Variants in PABPC1L observed in about 807,000 individuals in gnomAD.
PABPC1L encodes poly(A) binding protein cytoplasmic 1 like, also known as polyadenylate-binding protein 1-like.
PABPC1L carries 31 observed loss-of-function variants against 66.6 expected under a neutral mutation model. The ratio of observed to expected loss-of-function variants is 0.47; its 90% CI spans 0.35 to 0.63. The LOEUF (loss-of-function observed/expected upper bound fraction) is 0.63. Among genes scored for constraint, PABPC1L ranks in the 20% least tolerant of loss-of-function variants. PABPC1L has a pLI of 0.00. For missense variants in PABPC1L, 722 were observed against 848.8 expected (o/e 0.85, Z 1.86); for synonymous variants, 348 against 335.1 (o/e 1.04, Z -0.42).
chr20:44,926,425 C>T lies in PABPC1L; in HGVS notation c.972+2169C>T, dbSNP rs187718414. On this transcript the variant is annotated intron_variant, in intron 7 of 14. Coordinates refer to ENST00000217073, the MANE Select transcript of PABPC1L (RefSeq NM_001372179.1). Reference sequence around the variant, plus strand: ...TATTTTTAGTAGAGACGGGGTTTCACTGTGTTGGCCGGGCTGGTCTCAAAC... The same window carrying T: ...TATTTTTAGTAGAGACGGGGTTTCATTGTGTTGGCCGGGCTGGTCTCAAAC... Among the ~76,000 whole-genome samples the T allele has an allele frequency of 1.7e-4, 26 of 151,868 alleles. 1 individual carries two copies. The highest frequency in any genetic ancestry group is 6.3e-4 in the African/African-American group (26 of 41,396).
intron 1 of PABPC1L, among the ~76,000 whole-genome samples, chr20:44,911,189 C>T (rs541643164): frequency 1.4e-3 from 213 of 151,960 alleles, no homozygotes; most frequent in African/African-American, 4.8e-3. Flanking sequence ...TAAGGCCAGG[C>T]GCAGTGGCTC....
chr20:44,925,938 C>T (rs1283133209), intron 7 of PABPC1L, among the ~76,000 whole-genome samples: 16 of 152,146 alleles, frequency 1.1e-4, no homozygotes, highest in Non-Finnish European at 2.2e-4. Flanking sequence ...CTTTGCTTTT[C>T]GGACCTTGTT....
In PABPC1L at chr20:44,924,260, A is replaced by G. The variant is rs376373650; in HGVS notation, c.972+4A>G. 67 of 1,606,130 alleles carry G rather than the reference A, an allele frequency of 4.2e-5. No homozygotes were observed. Among genetic ancestry groups the G allele is most frequent in the Middle Eastern group, 3.3e-4 (2 of 6,066 alleles). The stretch of plus-strand genomic sequence containing the variant: ...TGGAGTAATTACCAGTGCGAAGGTG[A>G]GGACTGGGGGCACCTCCGGGGGACA... On this transcript the variant is annotated splice_donor_region_variant and intron_variant, in intron 7 of 14. Coordinates refer to ENST00000217073, the MANE Select transcript of PABPC1L (RefSeq NM_001372179.1).
intron 7 of PABPC1L, among the ~76,000 whole-genome samples, chr20:44,928,319 C>T (rs1327373568): frequency 6.6e-6 from 1 of 152,038 alleles, no homozygotes; most frequent in Non-Finnish European, 1.5e-5. Context: ...GTGATCTGCC[C>T]ACCTTGGCCT....
At chr20:44,928,580 C>G (rs1320948897) in intron 7 of PABPC1L, among the ~76,000 whole-genome samples, 2 of 152,080 alleles carry the variant, frequency 1.3e-5, no homozygotes, top group Non-Finnish European at 2.9e-5. Flanking sequence ...GATCCATGGA[C>G]TCTCAGGTTA....
Position 44,938,692 on chromosome 20 carries a change from G to A in PABPC1L, c.1810G>A (p.Val604Met), listed in dbSNP as rs757645442. ...LHAKIDEAVA[V>M]LQAHQAMEQP... ...CTCACAGATAGACGAGGCAGTGGCC[G>A]TGCTGCAGGCACACCAGGCTATGGA... Residue 604 changes from valine to methionine, a missense_variant, in exon 14 of 15, where the codon GTG (valine) becomes ATG (methionine). By Grantham distance (21) the Val-to-Met change is conservative. Coordinates refer to ENST00000217073, the MANE Select transcript of PABPC1L (RefSeq NM_001372179.1). 2.4e-5 allele frequency: 39 copies of A among 1,610,620 alleles called. No homozygotes were observed. Among genetic ancestry groups the A allele is most frequent in the Non-Finnish European group, 3.1e-5 (36 of 1,178,720 alleles).
chr20:44,921,538 TG>T (rs1470983720), intron 5 of PABPC1L, 55 bp from the exon 6 acceptor site: 100 of 1,593,814 alleles, frequency 6.3e-5, no homozygotes, highest in Non-Finnish European at 8.2e-5. Context: ...AAGATGAGCC[TG>T]GGCCAGGGCC....
intron 11 of PABPC1L, among the ~76,000 whole-genome samples, chr20:44,936,257 A>G (rs1041566660): frequency 6.6e-5 from 10 of 152,096 alleles, no homozygotes; most frequent in Non-Finnish European, 1.3e-4. Flanking sequence ...GAGCCACCAC[A>G]CCTGGCCAAA....
intron 6 of PABPC1L, among the ~76,000 whole-genome samples, chr20:44,923,264 G>A (rs1370291859): frequency 6.6e-6 from 1 of 152,106 alleles, no homozygotes; most frequent in Non-Finnish European, 1.5e-5. Flanking sequence ...GCCTCTTTGT[G>A]TTTCAGTTTT....
chr20:44,932,469 T>A, intron 9 of PABPC1L, 37 bp downstream of exon 9: 1 of 1,559,788 alleles, frequency 6.4e-7, no homozygotes, highest in Non-Finnish European at 8.8e-7. Context: ...CAGACTGGCC[T>A]ATTGGTGTGG....
intron 3 of PABPC1L, among the ~76,000 whole-genome samples, chr20:44,918,313 G>A (rs2425682): frequency 2.8e-4 from 43 of 152,156 alleles, no homozygotes; most frequent in Non-Finnish European, 5.3e-4. Context: ...CTGGGCGATA[G>A]AGCGAAACTC....
At chr20:44,918,449 C>G (rs1160163209) in intron 3 of PABPC1L, among the ~76,000 whole-genome samples, 1 of 152,190 alleles carries the variant, frequency 6.6e-6, no homozygotes, top group East Asian at 1.9e-4. Context: ...CCCCAGTGCA[C>G]CCAATACATG....
intron 7 of PABPC1L, among the ~76,000 whole-genome samples, chr20:44,925,693 G>A (rs2066804921): frequency 6.6e-6 from 1 of 152,214 alleles, no homozygotes; most frequent in South Asian, 2.1e-4. Context: ...AGGAAAAAAG[G>A]TTGTCTTTTA....
At position 44,939,164 on chromosome 20, in the gene PABPC1L, G is replaced by A. The variant is rs11540856; in HGVS notation, c.*45G>A. 1.9e-5 allele frequency: 14 copies of A among 717,968 alleles called. No individual in the cohort carries two copies. Among genetic ancestry groups the A allele is most frequent in the Admixed American group, 1.8e-4 (9 of 50,016 alleles). The allele number at this position is 717,968 out of a possible 1,614,324, so 44.5% of individuals were successfully genotyped here. ...CGCTTCCATGGCTGCCAAAAGGACA[G>A]TGTTTCTGGCTCTCAGCCCTAAGGC... is the stretch of plus-strand genomic sequence containing the variant. On this transcript the variant is annotated 3_prime_UTR_variant, in exon 15 of 15. Transcript: ENST00000217073.
At chr20:44,937,122 C>G (rs2066907503) in intron 12 of PABPC1L, 1 of 395,108 alleles carries the variant, frequency 2.5e-6, no homozygotes, top group African/African-American at 2.1e-5. Flanking sequence ...TGCTGTTCAC[C>G]AGTTTCCAGT....
chr20:44,910,087 G>T lies in PABPC1L; in HGVS notation c.-57G>T, dbSNP rs986528561. The T allele has an allele frequency of 2.1e-6, 3 of 1,446,854 alleles. No homozygotes were observed. The highest frequency in any genetic ancestry group is 1.5e-5 in the African/African-American group (1 of 68,684). 89.6% of individuals were successfully genotyped at this position (1,446,854 alleles called of 1,614,324 possible). On this transcript the variant is annotated 5_prime_UTR_variant, in exon 1 of 15. Transcript: ENST00000217073. ...GGAGGGCTTCCGCCCGGGTGAGCGCGGGGCTGCTGGGTGACCCGGCTCCTG... is the reference window on the plus strand; with the variant it reads ...GGAGGGCTTCCGCCCGGGTGAGCGCTGGGCTGCTGGGTGACCCGGCTCCTG...
chr20:44,919,093 C>T (rs1338046959), intron 4 of PABPC1L, 48 bp downstream of exon 4: 1 of 1,611,574 alleles, frequency 6.2e-7, no homozygotes, highest in Non-Finnish European at 8.5e-7. Flanking sequence ...TTTCCTCTTC[C>T]CTTCCAAAGT....
chr20:44,935,359 C>CTT (rs754872570), intron 10 of PABPC1L, 32 bp from the exon 11 acceptor site: 19 of 1,556,182 alleles, frequency 1.2e-5, no homozygotes, highest in African/African-American at 2.7e-5. Context: ...TTGAACTCTG[C>CTT]TTTTTTTGTT....
intron 9 of PABPC1L, chr20:44,932,713 G>A (rs1315712095): frequency 5.9e-6 from 3 of 506,774 alleles, no homozygotes; most frequent in African/African-American, 5.7e-5. Flanking sequence ...AAGCTGAGAA[G>A]GTGAAATTCC....
Sources: allele counts gnomAD v4.1 joint callset (sites outside exome capture counted in the v4.1 genomes callset), GRCh38; gene constraint gnomAD v4.1.1; transcripts MANE v1.5; gene names NCBI Gene and HGNC (gene_info 2026-07-23, HGNC 2026-07-21).